Variants in ZSCAN25 observed in about 807,000 individuals in gnomAD.
The protein encoded by ZSCAN25 is zinc finger and SCAN domain-containing protein 25.
In ZSCAN25, 27 loss-of-function variants were observed where a neutral mutation model predicts 38.7. The observed-to-expected ratio is 0.70, with a 90% confidence interval of 0.51 to 0.96. The LOEUF is 0.96. Ranked by LOEUF, ZSCAN25 falls within the 40% of genes least tolerant of loss-of-function variation. The pLI is 0.00. For synonymous variants in ZSCAN25, 273 were observed against 277.7 expected (o/e 0.98, Z 0.17); for missense variants, 637 against 705.9 (o/e 0.90, Z 1.11).
At chr7:99,624,774 G>A (rs1807324369) in intron 7 of ZSCAN25, among the ~76,000 whole-genome samples, 1 of 152,126 alleles carries the variant, frequency 6.6e-6, no homozygotes, top group Non-Finnish European at 1.5e-5. Flanking sequence ...GTGTGTGACA[G>A]CAGCTCATGG....
the ZSCAN25 span, chr7:99,720,245 T>C: frequency 4.4e-6 from 7 of 1,576,106 alleles, no homozygotes; most frequent in Non-Finnish European, 6.0e-6. Flanking sequence ...TCTATGAATA[T>C]ATAAGAATTT....
At chr7:99,687,120 C>A in the ZSCAN25 span, among the ~76,000 whole-genome samples, 2 of 152,236 alleles carry the variant, frequency 1.3e-5, no homozygotes, top group African/African-American at 4.8e-5. Context: ...GAGTGCCTCT[C>A]CTCCTCCAAA....
the ZSCAN25 span, chr7:99,660,701 G>C: frequency 8.1e-6 from 13 of 1,604,086 alleles, no homozygotes; most frequent in Middle Eastern, 1.7e-4. Context: ...TCAGGTCAAC[G>C]TACAACATCA....
chr7:99,617,321 A>G (rs974600515), intron 1 of ZSCAN25, among the ~76,000 whole-genome samples: 2 of 152,212 alleles, frequency 1.3e-5, no homozygotes, highest in Admixed American at 6.5e-5. Flanking sequence ...TCTTGAACCA[A>G]AGCAGAACTC....
chr7:99,620,213 T>G, intron 4 of ZSCAN25: 1 of 649,834 alleles, frequency 1.5e-6, no homozygotes, highest in Non-Finnish European at 2.5e-6. Flanking sequence ...AAGCCTCTGT[T>G]TGGTCATGAG....
chr7:99,712,593 TAGAG>T, the ZSCAN25 span, among the ~76,000 whole-genome samples: 3 of 152,154 alleles, frequency 2.0e-5, no homozygotes, highest in African/African-American at 4.8e-5. Context: ...TTGGGATAGA[TAGAG>T]AGATGATAGC....
chr7:99,725,343 A>T, the ZSCAN25 span, among the ~76,000 whole-genome samples: 1 of 152,224 alleles, frequency 6.6e-6, no homozygotes, highest in Non-Finnish European at 1.5e-5. Flanking sequence ...ACCCCACAAC[A>T]GGACTTAAAT....
the ZSCAN25 span, among the ~76,000 whole-genome samples, chr7:99,719,890 G>A: frequency 1.3e-5 from 2 of 152,210 alleles, no homozygotes; most frequent in East Asian, 1.9e-4. Context: ...CCAGCTACTC[G>A]GGAGGTGGAG....
At chr7:99,666,800 T>A in the ZSCAN25 span, 15 of 1,592,550 alleles carry the variant, frequency 9.4e-6, no homozygotes, top group East Asian at 3.4e-4. Flanking sequence ...ATGAATTTTG[T>A]GATGTCTTTT....
the ZSCAN25 span, among the ~76,000 whole-genome samples, chr7:99,680,647 G>A: frequency 6.6e-6 from 1 of 152,184 alleles, no homozygotes; most frequent in Non-Finnish European, 1.5e-5. Flanking sequence ...TGTCTTGGGT[G>A]AGATTGCTGG....
the ZSCAN25 span, among the ~76,000 whole-genome samples, chr7:99,683,714 AT>A: frequency 6.6e-6 from 1 of 151,658 alleles, no homozygotes; most frequent in African/African-American, 2.4e-5. Flanking sequence ...CTGTGTCGAC[AT>A]TTTCTCTGCT....
At chr7:99,681,767 A>G in the ZSCAN25 span, among the ~76,000 whole-genome samples, 1 of 152,046 alleles carries the variant, frequency 6.6e-6, no homozygotes, top group Non-Finnish European at 1.5e-5. Context: ...TTGTGTCTTC[A>G]CTTTGTTGAT....
the ZSCAN25 span, among the ~76,000 whole-genome samples, chr7:99,668,695 G>A: frequency 0.38 from 57,223 of 152,178 alleles, 17,458 homozygotes; most frequent in African/African-American, 0.84. Flanking sequence ...CGCTATTGCA[G>A]TGCCACGTGA....
the ZSCAN25 span, chr7:99,705,316 C>G: frequency 1.5e-6 from 1 of 651,998 alleles, no homozygotes; most frequent in African/African-American, 1.8e-5. Flanking sequence ...TCTATATTAC[C>G]AAGTATAACA....
At chr7:99,711,891 A>G in the ZSCAN25 span, among the ~76,000 whole-genome samples, 14 of 152,238 alleles carry the variant, frequency 9.2e-5, no homozygotes, top group Non-Finnish European at 5.9e-5. Flanking sequence ...TGCATAGCCC[A>G]GGTTGAGAAG....
chr7:99,687,163 G>C, the ZSCAN25 span, among the ~76,000 whole-genome samples: 1 of 152,232 alleles, frequency 6.6e-6, no homozygotes, highest in Admixed American at 6.5e-5. Context: ...ATGGAACAAA[G>C]CTGGATGGAG....
the ZSCAN25 span, among the ~76,000 whole-genome samples, chr7:99,656,180 A>C: frequency 5.0e-3 from 762 of 152,320 alleles, 3 homozygotes; most frequent in Non-Finnish European, 7.9e-3. Flanking sequence ...GAATGATTCC[A>C]GTTTTTGTCC....
At chr7:99,626,419 C>T (rs1001577084) in intron 7 of ZSCAN25, among the ~76,000 whole-genome samples, 4 of 152,040 alleles carry the variant, frequency 2.6e-5, no homozygotes, top group South Asian at 2.1e-4. Flanking sequence ...CGGCAGGGTA[C>T]GGCCAGTCTG....
intron 7 of ZSCAN25, among the ~76,000 whole-genome samples, chr7:99,628,601 CA>C (rs1807703396): frequency 6.6e-6 from 1 of 152,196 alleles, no homozygotes; most frequent in African/African-American, 2.4e-5. Flanking sequence ...TTCATTCAGC[CA>C]GCAGTTAGCA....
Sources: allele counts gnomAD v4.1 joint callset (sites outside exome capture counted in the v4.1 genomes callset), GRCh38; gene constraint gnomAD v4.1.1; transcripts MANE v1.5; gene names NCBI Gene and HGNC (gene_info 2026-07-23, HGNC 2026-07-21).